Variants in CNTN5 observed in about 807,000 individuals in gnomAD.
CNTN5 encodes contactin 5, also known as contactin-5.
Under a neutral mutation model 129.1 loss-of-function variants are expected in CNTN5, and 77 were observed. The ratio of observed to expected loss-of-function variants is 0.60; its 90% CI spans 0.50 to 0.72. The LOEUF is 0.72. Among genes scored for constraint, CNTN5 ranks in the 30% least tolerant of loss-of-function variants. The pLI is 0.00. For missense variants in CNTN5, 1,478 were observed against 1,328.8 expected, an observed-to-expected ratio of 1.11 and a Z score of -1.75; for synonymous variants, 509 against 465.6, an observed-to-expected ratio of 1.09 and a Z score of -1.20.
intron 1 of CNTN5, among the ~76,000 whole-genome samples, chr11:99,037,768 CG>C (rs1227624800): frequency 4.0e-5 from 6 of 151,204 alleles, no homozygotes; most frequent in Admixed American, 4.0e-4. Context: ...TTAGTAGAGA[CG>C]GGGTTTCACC....
At chr11:99,390,332 T>C (rs921987992) in intron 2 of CNTN5, among the ~76,000 whole-genome samples, 2 of 152,154 alleles carry the variant, frequency 1.3e-5, no homozygotes, top group African/African-American at 2.4e-5. Context: ...TTGCCCACAC[T>C]GGTCTTGAAC....
At chr11:99,577,250 T>C (rs1376923828) in intron 3 of CNTN5, among the ~76,000 whole-genome samples, 2 of 152,186 alleles carry the variant, frequency 1.3e-5, no homozygotes, top group Non-Finnish European at 2.9e-5. Context: ...CACATAGAGT[T>C]GTAGCTCTGC....
chr11:99,289,485 A>C (rs1864079078), intron 1 of CNTN5, among the ~76,000 whole-genome samples: 1 of 151,672 alleles, frequency 6.6e-6, no homozygotes, highest in South Asian at 2.1e-4. Flanking sequence ...GGCAAATTTT[A>C]TTCACTTAGA....
intron 3 of CNTN5, among the ~76,000 whole-genome samples, chr11:99,787,639 T>C (rs747358813): frequency 6.6e-6 from 1 of 152,118 alleles, no homozygotes; most frequent in Non-Finnish European, 1.5e-5. Flanking sequence ...TGGTTTACAA[T>C]TGGATATTTC....
At chr11:99,927,503 G>A (rs1319264019) in intron 7 of CNTN5, among the ~76,000 whole-genome samples, 1 of 152,118 alleles carries the variant, frequency 6.6e-6, no homozygotes, top group Non-Finnish European at 1.5e-5. Flanking sequence ...CAGGGCTGGG[G>A]GCCTCAGGAA....
At chr11:100,161,705 T>A (rs77532117) in intron 13 of CNTN5, among the ~76,000 whole-genome samples, 3,913 of 151,690 alleles carry the variant, frequency 0.026, 175 homozygotes, top group African/African-American at 0.086. Context: ...GTAAATAAAA[T>A]TTTTATGCTA....
intron 2 of CNTN5, among the ~76,000 whole-genome samples, chr11:99,515,310 A>T (rs2135422507): frequency 6.6e-6 from 1 of 152,228 alleles, no homozygotes; most frequent in South Asian, 2.1e-4. Context: ...CAAAATTAGA[A>T]TTGATAGCCA....
rs199775383 is a variant in CNTN5, at chr11:100,191,151, C to A, written c.1606C>A (p.Leu536Ile). 2 of 1,608,642 alleles carry A rather than the reference C, an allele frequency of 1.2e-6. No individual in the cohort carries two copies. The highest frequency in any genetic ancestry group is 1.3e-5 in the African/African-American group (1 of 74,690). ...AATAGCTATTCTTCCAGACGGGAGT[C>A]TACGGATCCTAAATGCTTCCAAATC... ...KRIAILPDGS[L>I]RILNASKSDE... The change falls in exon 14 of 25, where the codon CTA becomes ATA. Residue 536 changes from leucine (L) to isoleucine (I), a missense_variant. Transcript: ENST00000524871.
intron 8 of CNTN5, among the ~76,000 whole-genome samples, chr11:99,967,708 G>T (rs185459854): frequency 6.6e-6 from 1 of 152,004 alleles, no homozygotes; most frequent in Non-Finnish European, 1.5e-5. Context: ...TTTCCGAGCC[G>T]TAATTCCTCA....
At chr11:100,215,483 AC>A (rs1949119983) in intron 15 of CNTN5, among the ~76,000 whole-genome samples, 2 of 152,210 alleles carry the variant, frequency 1.3e-5, no homozygotes, top group South Asian at 2.1e-4. Context: ...AAGTAGTGTT[AC>A]CATAAAGCAC....
At chr11:99,369,367 A>T (rs1000855470) in intron 2 of CNTN5, among the ~76,000 whole-genome samples, 22 of 151,336 alleles carry the variant, frequency 1.5e-4, no homozygotes, top group African/African-American at 5.3e-4. Context: ...TCTTGGTCAC[A>T]GTCCATGTCT....
chr11:99,298,704 C>T (rs1864493088), intron 1 of CNTN5, among the ~76,000 whole-genome samples: 1 of 152,076 alleles, frequency 6.6e-6, no homozygotes, highest in African/African-American at 2.4e-5. Flanking sequence ...ATTTTAAGTT[C>T]CCCTTGATTA....
At chr11:99,598,254 C>G (rs1950184416) in intron 3 of CNTN5, among the ~76,000 whole-genome samples, 3 of 93,390 alleles carry the variant, frequency 3.2e-5, no homozygotes, top group Admixed American at 1.3e-4. Flanking sequence ...TTTTTCTTAG[C>G]TTTCCTTTTC....
chr11:99,122,478 C>G (rs1308095226), intron 1 of CNTN5, among the ~76,000 whole-genome samples: 1 of 151,898 alleles, frequency 6.6e-6, no homozygotes, highest in Non-Finnish European at 1.5e-5. Context: ...TAATTATGTA[C>G]CAGTATACCC....
chr11:99,837,606 G>A (rs1428599061), intron 4 of CNTN5, among the ~76,000 whole-genome samples: 1 of 149,858 alleles, frequency 6.7e-6, no homozygotes, highest in African/African-American at 2.5e-5. Flanking sequence ...CCTAAAAAAG[G>A]CCAAGAAAGT....
intron 8 of CNTN5, among the ~76,000 whole-genome samples, chr11:99,994,823 T>C (rs1939339861): frequency 6.6e-6 from 1 of 152,182 alleles, no homozygotes; most frequent in African/African-American, 2.4e-5. Context: ...ATTAGAAACA[T>C]TCGGCTGAGT....
intron 1 of CNTN5, among the ~76,000 whole-genome samples, chr11:99,303,336 A>G (rs767596322): frequency 1.3e-5 from 2 of 151,824 alleles, no homozygotes; most frequent in Non-Finnish European, 2.9e-5. Context: ...CTGAACAGAT[A>G]GTGTTACAAT....
At chr11:99,472,296 C>T (rs1342253213) in intron 2 of CNTN5, among the ~76,000 whole-genome samples, 1 of 152,036 alleles carries the variant, frequency 6.6e-6, no homozygotes, top group Non-Finnish European at 1.5e-5. Context: ...AAATAATCAC[C>T]CCTAGATTCT....
At chr11:100,197,711 A>G (rs1948680794) in intron 15 of CNTN5, among the ~76,000 whole-genome samples, 1 of 151,998 alleles carries the variant, frequency 6.6e-6, no homozygotes, top group Non-Finnish European at 1.5e-5. Context: ...GATATAAGAA[A>G]GTTTCTATCC....
Sources: gnomAD v4.1 joint callset for allele counts (sites outside exome capture counted in the v4.1 genomes callset) on GRCh38, gnomAD v4.1.1 for gene constraint, MANE v1.5 for transcripts, NCBI Gene and HGNC (gene_info 2026-07-23, HGNC 2026-07-21) for gene names.